Variants in RAPGEF1 observed in about 807,000 individuals in gnomAD.
RAPGEF1 encodes Rap guanine nucleotide exchange factor 1.
In RAPGEF1, 33 loss-of-function variants were observed where a neutral mutation model predicts 143.3. The ratio of observed to expected loss-of-function variants is 0.23; its 90% CI spans 0.17 to 0.31. The LOEUF (loss-of-function observed/expected upper bound fraction) is 0.31. RAPGEF1 is among the 10% of genes least tolerant of loss of function. The pLI, the probability that RAPGEF1 is intolerant of heterozygous loss-of-function variation, is 1.00. For synonymous variants in RAPGEF1, 629 were observed against 676.5 expected (o/e 0.93, Z 1.09); for missense variants, 1,199 against 1,645.4 (o/e 0.73, Z 4.69).
intron 3 of RAPGEF1, among the ~76,000 whole-genome samples, chr9:131,644,691 G>A (rs938717391): frequency 3.3e-5 from 5 of 152,176 alleles, no homozygotes; most frequent in African/African-American, 1.2e-4. Context: ...TTGGCCAGGT[G>A]AAGTGGCTCA....
chr9:131,702,104 T>A (rs1032321346), intron 1 of RAPGEF1, among the ~76,000 whole-genome samples: 1 of 152,252 alleles, frequency 6.6e-6, no homozygotes, highest in Admixed American at 6.5e-5. Context: ...ATTGATGCTC[T>A]TGTCATCCAT....
intron 1 of RAPGEF1, among the ~76,000 whole-genome samples, chr9:131,713,487 G>A (rs529921367): frequency 2.6e-5 from 4 of 152,350 alleles, no homozygotes; most frequent in South Asian, 4.1e-4. Flanking sequence ...GGAGGGCAGT[G>A]TGAAGGAATT....
intron 25 of RAPGEF1, among the ~76,000 whole-genome samples, chr9:131,581,594 C>T (rs1213575362): frequency 2.0e-5 from 3 of 151,410 alleles, no homozygotes; most frequent in African/African-American, 7.3e-5. Context: ...ATCGACTACT[C>T]AGGAGGCTGA....
At chr9:131,685,847 C>A (rs79707386) in intron 1 of RAPGEF1, among the ~76,000 whole-genome samples, 1 of 152,016 alleles carries the variant, frequency 6.6e-6, no homozygotes, top group Non-Finnish European at 1.5e-5. Flanking sequence ...AAAACTCAGG[C>A]GAATTCAGCT....
chr9:131,602,009 G>T, intron 15 of RAPGEF1, 52 bp downstream of exon 15: 1 of 1,399,056 alleles, frequency 7.1e-7, no homozygotes, highest in South Asian at 1.3e-5. Context: ...CAGGCCTCAT[G>T]AGTGGGCGCA....
At chr9:131,681,117 G>C (rs1564160855) in intron 1 of RAPGEF1, among the ~76,000 whole-genome samples, 3 of 152,114 alleles carry the variant, frequency 2.0e-5, no homozygotes, top group Admixed American at 1.3e-4. Flanking sequence ...GTATAGCTAG[G>C]TAACAAAAGA....
At chr9:131,666,356 T>C (rs887793260) in intron 1 of RAPGEF1, among the ~76,000 whole-genome samples, 7 of 152,178 alleles carry the variant, frequency 4.6e-5, no homozygotes, top group Non-Finnish European at 7.3e-5. Context: ...AATAGAAACA[T>C]AGTGTGAACC....
intron 1 of RAPGEF1, among the ~76,000 whole-genome samples, chr9:131,738,354 A>T (rs2131373736): frequency 6.6e-6 from 1 of 152,294 alleles, no homozygotes; most frequent in South Asian, 2.1e-4. Context: ...GACACTATAC[A>T]AGAAGTTCCT....
At chr9:131,606,871 C>A (rs1047893359) in intron 12 of RAPGEF1, among the ~76,000 whole-genome samples, 1 of 152,030 alleles carries the variant, frequency 6.6e-6, no homozygotes, top group South Asian at 2.1e-4. Flanking sequence ...ATGATCTGCC[C>A]GCCTCAGTCT....
At chr9:131,668,818 C>T (rs993678124) in intron 1 of RAPGEF1, among the ~76,000 whole-genome samples, 3 of 152,196 alleles carry the variant, frequency 2.0e-5, no homozygotes, top group African/African-American at 7.2e-5. Flanking sequence ...CTGAGTAAAC[C>T]ACAGAGCAGA....
intron 12 of RAPGEF1, among the ~76,000 whole-genome samples, chr9:131,613,994 AG>A (rs567117626): frequency 3.0e-4 from 46 of 152,318 alleles, no homozygotes; most frequent in Non-Finnish European, 5.7e-4. Flanking sequence ...GAGCTACGCC[AG>A]GCCAAGGAGG....
At chr9:131,602,225 CT>C in intron 14 of RAPGEF1, 76 bp from the exon 15 acceptor site, 1 of 1,092,534 alleles carries the variant, frequency 9.2e-7, no homozygotes. Context: ...GCATTCCTGC[CT>C]GCAAGTGGCT....
Position 131,676,748 on chromosome 9 carries a change from T to C in RAPGEF1, c.62-25799A>G, listed in dbSNP as rs534219910. On this transcript the variant is annotated intron_variant, in intron 1 of 26. Coordinates refer to ENST00000683357, the MANE Select transcript of RAPGEF1 (RefSeq NM_001377935.1). ...CCTTCTGTGTTGTTTCAGCCACTAATTGGTTTTGTCAATTAGGCAAAACAT... is the reference window on the plus strand; with the variant it reads ...CCTTCTGTGTTGTTTCAGCCACTAACTGGTTTTGTCAATTAGGCAAAACAT... Among the ~76,000 whole-genome samples the C allele has an allele frequency of 3.3e-5, 5 of 152,390 alleles. No individual in the cohort carries two copies. The South Asian group carries it at 8.3e-4, about 25-fold the overall frequency.
chr9:131,625,609 G>A (rs1962763311), intron 10 of RAPGEF1, among the ~76,000 whole-genome samples: 1 of 152,160 alleles, frequency 6.6e-6, no homozygotes, highest in South Asian at 2.1e-4. Context: ...CAGGACACTC[G>A]TTCCCCTCTG....
chr9:131,598,852 T>C (rs1588313060), intron 15 of RAPGEF1, among the ~76,000 whole-genome samples: 1 of 137,844 alleles, frequency 7.3e-6, no homozygotes, highest in South Asian at 2.3e-4. Flanking sequence ...TGAGACGGAG[T>C]CTCGCTCTGT....
rs568135869 is a variant in RAPGEF1, at chr9:131,630,470, C to T, written c.652-146G>A. 6 of 735,348 alleles carry T rather than the reference C, an allele frequency of 8.2e-6. No individual in the cohort carries two copies. In the South Asian group the frequency reaches 1.0e-4, roughly 13 times the overall value. The allele number at this position is 735,348 out of a possible 1,614,324, so 45.6% of individuals were successfully genotyped here. The stretch of plus-strand genomic sequence containing the variant: ...CCACGCACCATAAACGCAAGTATCA[C>T]TTGCCTTAGGTAATCTGCATGACTT... On this transcript the variant is annotated intron_variant, in intron 5 of 26. Transcript: ENST00000683357.
chr9:131,614,741 T>C (rs1958640634), intron 12 of RAPGEF1, among the ~76,000 whole-genome samples: 1 of 152,206 alleles, frequency 6.6e-6, no homozygotes, highest in Non-Finnish European at 1.5e-5. Context: ...AAAACGACTG[T>C]TTTGCCCAGA....
At chr9:131,726,329 A>G (rs1478626832) in intron 1 of RAPGEF1, among the ~76,000 whole-genome samples, 2 of 152,106 alleles carry the variant, frequency 1.3e-5, no homozygotes, top group Non-Finnish European at 2.9e-5. Flanking sequence ...GTATAGATAA[A>G]AAACAGATCA....
chr9:131,725,760 G>GT (rs71501267), intron 1 of RAPGEF1, among the ~76,000 whole-genome samples: 32,731 of 132,546 alleles, frequency 0.25, 4,305 homozygotes, highest in Non-Finnish European at 0.3. Context: ...ATTGGGTTGT[G>GT]TTTTTTTTTT....
Sources: allele counts gnomAD v4.1 joint callset (sites outside exome capture counted in the v4.1 genomes callset), GRCh38; gene constraint gnomAD v4.1.1; transcripts MANE v1.5; gene names NCBI Gene and HGNC (gene_info 2026-07-23, HGNC 2026-07-21).